The following MYO1F variants were observed in gnomAD, a reference collection of about 807,000 sequenced individuals.
MYO1F encodes the protein myosin IF.
In MYO1F, 60 loss-of-function variants were observed where a neutral mutation model predicts 146.6. That is an observed-to-expected ratio of 0.41 (90% CI 0.33 to 0.51). The LOEUF (loss-of-function observed/expected upper bound fraction) is 0.51. Ranked by LOEUF, MYO1F falls within the 20% of genes least tolerant of loss-of-function variation. The pLI, the probability that MYO1F is intolerant of heterozygous loss-of-function variation, is 0.25. For synonymous variants in MYO1F, 602 were observed against 602.1 expected (o/e 1.00, Z 0.00); for missense variants, 1,274 against 1,534.3 (o/e 0.83, Z 2.83).
chr19:8,555,829 T>C, intron 1 of MYO1F, 33 bp from the exon 2 acceptor site: 1 of 1,595,412 alleles, frequency 6.3e-7, no homozygotes. Context: ...GGGTGAGCCC[T>C]TGCACGGGGA....
In MYO1F at chr19:8,526,423, C is replaced by T. The variant is rs554701128; in HGVS notation, c.2770+30G>A. ...TCTTAACCAGCCTCGCTGGCCCCGC[C>T]CCCTCTGCCCTAGTTCCGCGCAGAC... On this transcript the variant is annotated intron_variant, in intron 24 of 27. Coordinates refer to ENST00000644032, the MANE Select transcript of MYO1F (RefSeq NM_012335.4). 30 of 1,549,486 alleles carry T rather than the reference C, an allele frequency of 1.9e-5. No homozygotes were observed. In the Admixed American group the frequency reaches 5.1e-4, roughly 26 times the overall value.
chr19:8,558,064 C>T (rs1488299805), intron 1 of MYO1F, among the ~76,000 whole-genome samples: 1 of 152,176 alleles, frequency 6.6e-6, no homozygotes, highest in Non-Finnish European at 1.5e-5. Context: ...CCTGCCGTGG[C>T]CTTCTCCTCT....
intron 22 of MYO1F, 34 bp from the exon 23 acceptor site, chr19:8,526,969 C>T (rs760490655): frequency 2.4e-5 from 38 of 1,611,470 alleles, no homozygotes; most frequent in Non-Finnish European, 3.2e-5. Flanking sequence ...TCAGGTGGGA[C>T]ACAGGTGAGG....
At chr19:8,565,156 C>G (rs2041979844) in intron 1 of MYO1F, among the ~76,000 whole-genome samples, 1 of 152,042 alleles carries the variant, frequency 6.6e-6, no homozygotes. Context: ...CTCAGCCTCC[C>G]AAAGTGCTGG....
chr19:8,549,913 A>G (rs150763373), intron 10 of MYO1F: 1 of 584,718 alleles, frequency 1.7e-6, no homozygotes, highest in East Asian at 2.9e-5. Flanking sequence ...TGATCCCCCA[A>G]CCTCAGCCCT....
chr19:8,544,565 G>T, intron 13 of MYO1F, 101 bp from the exon 14 acceptor site: 1 of 1,260,074 alleles, frequency 7.9e-7, no homozygotes, highest in Non-Finnish European at 1.1e-6. Context: ...GTGGAGGAGT[G>T]GAGGGAGCTA....
Position 8,536,309 on chromosome 19 carries a change from C to T in MYO1F, c.1986G>A (p.Met662Ile). The T allele has an allele frequency of 6.2e-7, 1 of 1,608,374 alleles. No individual in the cohort carries two copies. The highest frequency in any genetic ancestry group is 8.5e-7 in the Non-Finnish European group (1 of 1,179,958). ...GVQHLLRAVNMEPDQYQMGST... is the reference protein window; with the variant it reads ...GVQHLLRAVNIEPDQYQMGST... ...TCCCCATCTGGTACTGGTCGGGCTC[C>T]ATGTTGACCGCCCGAAGCAGGTGCT... The change falls in exon 19 of 28, where the codon ATG (methionine) becomes ATA (isoleucine). Residue 662 changes from methionine to isoleucine, a missense_variant. Physicochemically the swap from Met to Ile is conservative, Grantham distance 10. Transcript: ENST00000644032.
chr19:8,568,889 C>G (rs528367088), intron 1 of MYO1F, among the ~76,000 whole-genome samples: 12 of 152,172 alleles, frequency 7.9e-5, no homozygotes, highest in Admixed American at 4.6e-4. Flanking sequence ...TCATTGCACT[C>G]CAGCCTGGGC....
At chr19:8,522,238 G>T in intron 27 of MYO1F, 139 bp downstream of exon 27, 1 of 1,044,118 alleles carries the variant, frequency 9.6e-7, no homozygotes, top group Non-Finnish European at 1.4e-6. Context: ...TAGCCAGGAT[G>T]GTCTCGATCT....
rs1403189866 is a variant in MYO1F, at chr19:8,548,328, G to A, written c.1102-11C>T. 5.0e-6 allele frequency: 8 copies of A among 1,600,244 alleles called. No homozygotes were observed. Among genetic ancestry groups the A allele is most frequent in the Admixed American group, 1.7e-5 (1 of 59,310 alleles). The stretch of plus-strand genomic sequence containing the variant: ...AGCACGGTTGATGGCCTGCGGTGTG[G>A]GTGGGGACAGGAAGTCAGTGGGCAT... On this transcript the variant is annotated splice_polypyrimidine_tract_variant and intron_variant, in intron 10 of 27. Transcript: ENST00000644032.
chr19:8,557,355 G>T (rs1600016415), intron 1 of MYO1F, among the ~76,000 whole-genome samples: 1 of 152,226 alleles, frequency 6.6e-6, no homozygotes, highest in East Asian at 1.9e-4. Context: ...GGAGTGCAGT[G>T]GTGTGATCAC....
chr19:8,559,952 GA>G (rs60369992), intron 1 of MYO1F, among the ~76,000 whole-genome samples: 13,652 of 108,436 alleles, frequency 0.13, 1,456 homozygotes, highest in African/African-American at 0.35. Flanking sequence ...CTCCATCTCA[GA>G]AAAAAAAAAA....
In MYO1F at chr19:8,522,683, A is replaced by T. The variant is rs768230288; in HGVS notation, c.3001T>A (p.Ser1001Thr). 1.6e-5 allele frequency: 26 copies of T among 1,613,840 alleles called. No homozygotes were observed. In the East Asian group the frequency reaches 5.6e-4, roughly 35 times the overall value. The change falls in exon 26 of 28, where the codon TCA (serine) becomes ACA (threonine). Residue 1001 changes from serine to threonine, a missense_variant. By Grantham distance (58) the Ser-to-Thr change is moderately conservative. Transcript: ENST00000644032. ...ASRRPRARPP[S>T]EHNTEFLNVP... ...TTGAGGAATTCTGTGTTGTGCTCTG[A>T]GGGCGGACGTGCCCGGGGTCGTCTG... is the stretch of plus-strand genomic sequence containing the variant.
At chr19:8,564,743 T>G (rs1234718379) in intron 1 of MYO1F, among the ~76,000 whole-genome samples, 1 of 148,096 alleles carries the variant, frequency 6.8e-6, no homozygotes, top group African/African-American at 2.5e-5. Context: ...GGGGGAGAAG[T>G]GGGGTCAGGG....
At chr19:8,535,351 C>T (rs1972660021) in intron 19 of MYO1F, among the ~76,000 whole-genome samples, 1 of 152,154 alleles carries the variant, frequency 6.6e-6, no homozygotes, top group Non-Finnish European at 1.5e-5. Flanking sequence ...CCGTCTTCTC[C>T]AAATCAAAAT....
chr19:8,552,169 A>G lies in MYO1F; in HGVS notation c.505-5T>C, dbSNP rs372510251. 59 of 1,613,836 alleles carry G rather than the reference A, an allele frequency of 3.7e-5. No individual in the cohort carries two copies. The highest frequency in any genetic ancestry group is 2.3e-4 in the African/African-American group (17 of 74,850). On this transcript the variant is annotated splice_polypyrimidine_tract_variant and splice_region_variant and intron_variant, in intron 6 of 27. Transcript: ENST00000644032. ...CTGGATCTCAAAGTACTTGCCCTGA[A>G]TCCGAGAGAACCATGTCAGCACCCC... is the stretch of plus-strand genomic sequence containing the variant.
chr19:8,530,697 A>C lies in MYO1F; in HGVS notation c.2044-124T>G. 2 of 771,494 alleles carry C rather than the reference A, an allele frequency of 2.6e-6. No homozygotes were observed. Among genetic ancestry groups the C allele is most frequent in the South Asian group, 2.9e-5 (2 of 69,020 alleles). 47.8% of individuals were successfully genotyped at this position (771,494 alleles called of 1,614,324 possible). ...CTCACCCATCCCCACACATGTGCTA[A>C]TTTTTTTAAGAGGCGGGGTCTTTCT... On this transcript the variant is annotated intron_variant, in intron 19 of 27. Coordinates refer to ENST00000644032, the MANE Select transcript of MYO1F (RefSeq NM_012335.4). The surrounding 1 kb of genome is among the most constrained non-coding windows in gnomAD (Gnocchi z 5.8).
rs148905101 is a variant in MYO1F, at chr19:8,539,137, G to A, written c.1692+810C>T. ...TCTACTGAAAATACAAAATTAGGCC[G>A]AGCGCGGTGGCTCACACCTGTAATC... On this transcript the variant is annotated intron_variant, in intron 16 of 27. Transcript: ENST00000644032. Among the ~76,000 whole-genome samples, 901 of 152,170 alleles carry A rather than the reference G, an allele frequency of 5.9e-3. 8 individuals are homozygous for A. The highest frequency in any genetic ancestry group is 0.02 in the African/African-American group (817 of 41,538).
Position 8,526,499 on chromosome 19 carries a change from A to G in MYO1F, c.2724T>C (p.Gly908=), listed in dbSNP as rs372572413. Residue 908 remains glycine (G), a synonymous_variant, in exon 24 of 28, where the codon GGT becomes GGC. Transcript: ENST00000644032. ...CGCCCACGCTGACCGTGAGGGTCCG[A>G]CCGCCAACCTTGAGCACTGCCAAGT... ...FGDLAVLKVG[G]RTLTVSVGDG... 5.1e-6 allele frequency: 8 copies of G among 1,575,198 alleles called. No individual in the cohort carries two copies. Among genetic ancestry groups the G allele is most frequent in the Admixed American group, 3.8e-5 (2 of 52,572 alleles).
Sources: gnomAD v4.1 joint callset for allele counts (sites outside exome capture counted in the v4.1 genomes callset) on GRCh38, gnomAD v4.1.1 for gene constraint, Gnocchi (gnomAD v3.1) non-coding constraint, MANE v1.5 for transcripts, NCBI Gene and HGNC (gene_info 2026-07-23, HGNC 2026-07-21) for gene names.